Variants in PDE4B observed in about 807,000 individuals in gnomAD.
PDE4B encodes the protein 3',5'-cyclic-AMP phosphodiesterase 4B.
A neutral mutation model predicts 82.2 loss-of-function variants in PDE4B; 20 were observed. The observed-to-expected ratio is 0.24, with a 90% confidence interval of 0.17 to 0.35. PDE4B has a LOEUF of 0.35. PDE4B is among the 10% of genes least tolerant of loss of function. PDE4B has a pLI of 1.00. For synonymous variants in PDE4B, 320 were observed against 318.9 expected (o/e 1.00, Z -0.04); for missense variants, 655 against 907.2 (o/e 0.72, Z 3.57).
chr1:66,078,695 T>C (rs1346655935), intron 3 of PDE4B, among the ~76,000 whole-genome samples: 3 of 152,304 alleles, frequency 2.0e-5, no homozygotes, highest in South Asian at 2.1e-4. Flanking sequence ...GACAGCTTCC[T>C]CATTATCACT....
intron 3 of PDE4B, among the ~76,000 whole-genome samples, chr1:65,963,287 A>T (rs1349427418): frequency 6.6e-6 from 1 of 152,174 alleles, no homozygotes; most frequent in Non-Finnish European, 1.5e-5. Context: ...GACTGCAGGC[A>T]GTGGGAGGCC....
intron 3 of PDE4B, among the ~76,000 whole-genome samples, chr1:66,041,634 G>T (rs953808620): frequency 1.3e-5 from 2 of 151,868 alleles, no homozygotes; most frequent in Non-Finnish European, 2.9e-5. Flanking sequence ...ATGGCCAGTT[G>T]CAGGATGAAG....
intron 1 of PDE4B, among the ~76,000 whole-genome samples, chr1:65,845,591 C>T (rs1169356062): frequency 5.9e-5 from 9 of 151,980 alleles, no homozygotes; most frequent in African/African-American, 2.2e-4. Context: ...GAAATGTGGG[C>T]GGAATGAAGG....
intron 3 of PDE4B, among the ~76,000 whole-genome samples, chr1:66,148,691 T>C (rs1392824): frequency 0.7 from 105,684 of 152,032 alleles, 37,288 homozygotes; most frequent in African/African-American, 0.77. Context: ...CCCTAGGCAA[T>C]ACTAATCTAT....
chr1:66,111,555 G>T (rs1347328927), intron 3 of PDE4B, among the ~76,000 whole-genome samples: 1 of 152,040 alleles, frequency 6.6e-6, no homozygotes, highest in Non-Finnish European at 1.5e-5. Flanking sequence ...CCTTGGCATA[G>T]TATCTTCAAG....
chr1:66,285,438 C>A (rs1486504984), intron 7 of PDE4B, among the ~76,000 whole-genome samples: 1 of 151,960 alleles, frequency 6.6e-6, no homozygotes, highest in African/African-American at 2.4e-5. Flanking sequence ...TTTATTGTAT[C>A]CATCACCCAA....
At chr1:66,036,058 A>C (rs545222108) in intron 3 of PDE4B, among the ~76,000 whole-genome samples, 1 of 152,256 alleles carries the variant, frequency 6.6e-6, no homozygotes, top group East Asian at 1.9e-4. Context: ...GTGATATGTC[A>C]TTGTGGTTTT....
At chr1:65,947,151 T>G (rs964235567) in intron 3 of PDE4B, among the ~76,000 whole-genome samples, 5 of 152,190 alleles carry the variant, frequency 3.3e-5, no homozygotes, top group Admixed American at 6.6e-5. Context: ...CTCAAGGCTG[T>G]GCTGACAATG....
intron 7 of PDE4B, among the ~76,000 whole-genome samples, chr1:66,317,221 A>C (rs7523274): frequency 0.014 from 2,179 of 152,308 alleles, 22 homozygotes; most frequent in Non-Finnish European, 0.023. Context: ...TTCTTTGTTC[A>C]GTGTCTTCAT....
At chr1:66,079,166 T>TTCTCTCTCTCTCTCTCTC (rs148765561) in intron 3 of PDE4B, among the ~76,000 whole-genome samples, 14 of 142,308 alleles carry the variant, frequency 9.8e-5, no homozygotes, top group African/African-American at 3.5e-4. Context: ...CCTGCTTCTT[T>TTCTCTCTCTCTCTCTCTC]TCTCTCTCTC....
intron 4 of PDE4B, among the ~76,000 whole-genome samples, chr1:66,251,650 C>A: frequency 6.6e-6 from 1 of 152,118 alleles, no homozygotes; most frequent in Non-Finnish European, 1.5e-5. Flanking sequence ...AGGAAAGCAG[C>A]CTACTCTGAG....
chr1:66,109,839 C>T (rs1287422599), intron 3 of PDE4B, among the ~76,000 whole-genome samples: 1 of 151,774 alleles, frequency 6.6e-6, no homozygotes, highest in Non-Finnish European at 1.5e-5. Flanking sequence ...CAACCCTCAC[C>T]CTTTTCCTCT....
intron 3 of PDE4B, among the ~76,000 whole-genome samples, chr1:66,131,981 A>G (rs996935915): frequency 6.6e-6 from 1 of 152,180 alleles, no homozygotes; most frequent in Non-Finnish European, 1.5e-5. Flanking sequence ...TTTGGAAAAC[A>G]GAAAGAAAAG....
At chr1:66,256,050 G>A (rs577702113) in intron 4 of PDE4B, among the ~76,000 whole-genome samples, 5 of 152,252 alleles carry the variant, frequency 3.3e-5, no homozygotes, top group African/African-American at 1.2e-4. Context: ...GGTGTTGTGT[G>A]CCTGTAGTCC....
chr1:66,136,603 G>A (rs1034938734), intron 3 of PDE4B, among the ~76,000 whole-genome samples: 3 of 150,300 alleles, frequency 2.0e-5, no homozygotes, highest in Non-Finnish European at 3.0e-5. Context: ...CCAGCTACTC[G>A]GTAGGCTGGG....
At chr1:66,233,914 A>T (rs1652193761) in intron 3 of PDE4B, among the ~76,000 whole-genome samples, 1 of 151,930 alleles carries the variant, frequency 6.6e-6, no homozygotes, top group South Asian at 2.1e-4. Context: ...ATTAGATTTG[A>T]TTTGATATAA....
chr1:66,212,083 A>T (rs1252634689), intron 3 of PDE4B, among the ~76,000 whole-genome samples: 2 of 152,222 alleles, frequency 1.3e-5, no homozygotes, highest in Admixed American at 1.3e-4. Context: ...AAGCCTATGA[A>T]CAAACTTGGA....
At chr1:66,338,617 TTC>T (rs1253122325) in intron 8 of PDE4B, among the ~76,000 whole-genome samples, 1 of 152,228 alleles carries the variant, frequency 6.6e-6, no homozygotes, top group African/African-American at 2.4e-5. Flanking sequence ...TTTCTTAAAA[TTC>T]TCCAACATAG....
At chr1:66,203,896 G>A (rs1418411218) in intron 3 of PDE4B, among the ~76,000 whole-genome samples, 1 of 152,220 alleles carries the variant, frequency 6.6e-6, no homozygotes, top group Non-Finnish European at 1.5e-5. Flanking sequence ...GTGAGGAACT[G>A]CATTCCTTTG....
Sources: gnomAD v4.1 joint callset for allele counts (sites outside exome capture counted in the v4.1 genomes callset) on GRCh38, gnomAD v4.1.1 for gene constraint, MANE v1.5 for transcripts, NCBI Gene and HGNC (gene_info 2026-07-23, HGNC 2026-07-21) for gene names.